APPL1: variants seen among roughly 807,000 people sequenced by gnomAD.
APPL1 encodes adaptor protein, phosphotyrosine interacting with PH domain and leucine zipper 1.
A neutral mutation model predicts 106.8 loss-of-function variants in APPL1; 42 were observed. The observed-to-expected ratio is 0.39, with a 90% CI of 0.31 to 0.51. The LOEUF (loss-of-function observed/expected upper bound fraction) is 0.51, where lower values mean the gene tolerates loss of function less well. Among genes scored for constraint, APPL1 ranks in the 20% least tolerant of loss-of-function variants. The pLI, the probability that APPL1 is intolerant of heterozygous loss-of-function variation, is 0.75. For missense variants in APPL1, 769 were observed against 858.2 expected (o/e 0.90, Z 1.30); for synonymous variants, 263 against 281.8 (o/e 0.93, Z 0.67).
chr3:57,232,613 C>A (rs985001444), intron 1 of APPL1, among the ~76,000 whole-genome samples: 3 of 151,992 alleles, frequency 2.0e-5, no homozygotes, highest in Non-Finnish European at 4.4e-5. Flanking sequence ...ATATTAGGGA[C>A]AAAAATGGAG....
intron 7 of APPL1, among the ~76,000 whole-genome samples, chr3:57,243,547 TG>T (rs1442161085): frequency 6.6e-6 from 1 of 152,212 alleles, no homozygotes; most frequent in Non-Finnish European, 1.5e-5. Flanking sequence ...CAGCCTTGGC[TG>T]CAGCTGCTGG....
At chr3:57,269,359 G>A (rs2060918794) in intron 21 of APPL1, 182 bp from the exon 22 acceptor site, 3 of 523,578 alleles carry the variant, frequency 5.7e-6, no homozygotes, top group Non-Finnish European at 9.8e-6. Flanking sequence ...TTTATAGGAT[G>A]GTGCCAAAAT....
At chr3:57,252,755 G>T (rs1349404322) in intron 12 of APPL1, among the ~76,000 whole-genome samples, 1 of 152,132 alleles carries the variant, frequency 6.6e-6, no homozygotes, top group Non-Finnish European at 1.5e-5. Flanking sequence ...AAATTTGGGA[G>T]TCTCTGTTCT....
In APPL1 at chr3:57,269,907, A is replaced by AGGAAACCTGCTCATCT. The variant is rs758972065; in HGVS notation, c.*221_*236dup. 3.6e-5 allele frequency: 14 copies of AGGAAACCTGCTCATCT among 392,096 alleles called. No homozygotes were observed. Among genetic ancestry groups the AGGAAACCTGCTCATCT allele is most frequent in the South Asian group, 2.1e-4 (3 of 14,202 alleles). 24.3% of individuals were successfully genotyped at this position (392,096 alleles called of 1,614,324 possible). ...TAATGTACTATGTATTAACATCTAAAGGAAACCTGCTCATCTCCCTGAAGC... is the reference window on the plus strand; with the variant it reads ...TAATGTACTATGTATTAACATCTAAAGGAAACCTGCTCATCTGGAAACCTGCTCATCTCCCTGAAGC... On this transcript the variant is annotated 3_prime_UTR_variant, in exon 22 of 22. Coordinates refer to ENST00000288266, the MANE Select transcript of APPL1 (RefSeq NM_012096.3).
chr3:57,233,943 A>G (rs562714125), intron 1 of APPL1, among the ~76,000 whole-genome samples: 46 of 152,110 alleles, frequency 3.0e-4, no homozygotes, highest in Admixed American at 1.9e-3. Flanking sequence ...AAGTAGCCAG[A>G]CATGGTGGCA....
chr3:57,268,333 T>G, intron 20 of APPL1, 65 bp from the exon 21 acceptor site: 1 of 1,413,110 alleles, frequency 7.1e-7, no homozygotes. Context: ...TGATATTAAC[T>G]GAAATGTCTA....
chr3:57,264,734 A>G (rs1252726856), intron 19 of APPL1, among the ~76,000 whole-genome samples: 1 of 151,384 alleles, frequency 6.6e-6, no homozygotes, highest in African/African-American at 2.4e-5. Context: ...CTTTGTCAAA[A>G]ATGAGTTCGC....
At chr3:57,254,869 C>T (rs1483839164) in intron 13 of APPL1, among the ~76,000 whole-genome samples, 2 of 152,168 alleles carry the variant, frequency 1.3e-5, no homozygotes, top group Non-Finnish European at 1.5e-5. Flanking sequence ...AGGTGATCCA[C>T]CTGCCTCGGC....
intron 1 of APPL1, among the ~76,000 whole-genome samples, chr3:57,231,153 CATAGTGAA>C (rs2060684724): frequency 6.6e-6 from 1 of 151,642 alleles, no homozygotes; most frequent in African/African-American, 2.4e-5. Context: ...ACCTGGCCAA[CATAGTGAA>C]ACCCCGTCTC....
chr3:57,247,091 A>T, intron 8 of APPL1, among the ~76,000 whole-genome samples: 1 of 152,182 alleles, frequency 6.6e-6, no homozygotes, highest in Non-Finnish European at 1.5e-5. Flanking sequence ...GAAATACTTT[A>T]TATAATTTAT....
At chr3:57,254,999 G>A (rs781033514) in intron 13 of APPL1, among the ~76,000 whole-genome samples, 10 of 152,230 alleles carry the variant, frequency 6.6e-5, no homozygotes, top group African/African-American at 9.6e-5. Context: ...GTTAAAATGC[G>A]TAATATGATT....
chr3:57,229,345 A>T (rs1257465028), intron 1 of APPL1, among the ~76,000 whole-genome samples: 1 of 151,988 alleles, frequency 6.6e-6, no homozygotes, highest in East Asian at 1.9e-4. Context: ...TTAATAGCCC[A>T]TAAAGACTAT....
intron 15 of APPL1, 45 bp from the exon 16 acceptor site, chr3:57,258,983 C>T (rs1051551803): frequency 2.1e-6 from 3 of 1,426,810 alleles, no homozygotes; most frequent in African/African-American, 1.4e-5. Flanking sequence ...CTATGTGGCT[C>T]ATGGTAACTG....
intron 7 of APPL1, 112 bp downstream of exon 7, chr3:57,243,026 C>T (rs1291263230): frequency 1.4e-6 from 1 of 732,674 alleles, no homozygotes; most frequent in South Asian, 1.8e-5. Flanking sequence ...TGTTATATTA[C>T]TATTAGTTTA....
intron 16 of APPL1, 58 bp downstream of exon 16, chr3:57,259,138 T>A (rs1203476688): frequency 7.1e-7 from 1 of 1,400,348 alleles, no homozygotes; most frequent in Non-Finnish European, 1.0e-6. Flanking sequence ...AAACTGTGAA[T>A]AATTTATTGT....
chr3:57,246,282 A>G, intron 8 of APPL1, 60 bp downstream of exon 8: 1 of 1,275,628 alleles, frequency 7.8e-7, no homozygotes, highest in Non-Finnish European at 1.0e-6. Flanking sequence ...TAAGCTTGAT[A>G]TTTACATTAA....
chr3:57,266,141 T>C (rs1436665539), intron 19 of APPL1, among the ~76,000 whole-genome samples: 3 of 152,226 alleles, frequency 2.0e-5, no homozygotes, highest in African/African-American at 4.8e-5. Context: ...ATGAGATATA[T>C]TGGCCTGTAG....
At chr3:57,247,142 GT>G (rs1363325444) in intron 8 of APPL1, among the ~76,000 whole-genome samples, 1 of 152,018 alleles carries the variant, frequency 6.6e-6, no homozygotes, top group East Asian at 1.9e-4. Flanking sequence ...TTAAAAGATT[GT>G]TAACCATATG....
chr3:57,238,439 AT>A (rs1367977905), intron 4 of APPL1, among the ~76,000 whole-genome samples: 13 of 152,326 alleles, frequency 8.5e-5, no homozygotes, highest in African/African-American at 3.1e-4. Context: ...CTCTTTTGCT[AT>A]TAAGCAACAT....
Sources: gnomAD v4.1 joint callset for allele counts (sites outside exome capture counted in the v4.1 genomes callset) on GRCh38, gnomAD v4.1.1 for gene constraint, MANE v1.5 for transcripts, NCBI Gene and HGNC (gene_info 2026-07-23, HGNC 2026-07-21) for gene names.